The following CTNNA3 variants were observed in gnomAD, a reference collection of about 807,000 sequenced individuals.
The protein encoded by CTNNA3 is catenin alpha-3.
Under a neutral mutation model 95.7 loss-of-function variants are expected in CTNNA3, and 76 were observed. The ratio of observed to expected loss-of-function variants is 0.79; its 90% CI spans 0.66 to 0.96. CTNNA3 has a LOEUF of 0.96. CTNNA3 is among the 40% of genes least tolerant of loss of function. CTNNA3 has a pLI of 0.00. For synonymous variants in CTNNA3, 431 were observed against 374.4 expected (o/e 1.15, Z -1.74); for missense variants, 1,191 against 1,089.8 (o/e 1.09, Z -1.31).
upstream of CTNNA3, among the ~76,000 whole-genome samples, chr10:67,699,451 G>A (rs1026633552): frequency 6.6e-6 from 1 of 152,120 alleles, no homozygotes; most frequent in Non-Finnish European, 1.5e-5. Flanking sequence ...CCTAACCTAT[G>A]GCTTCAAATG....
chr10:67,231,262 C>T (rs1480801289), intron 5 of CTNNA3, among the ~76,000 whole-genome samples: 1 of 152,258 alleles, frequency 6.6e-6, no homozygotes, highest in Non-Finnish European at 1.5e-5. Context: ...CCTCTGCAGA[C>T]TTAAATGTCC....
At chr10:66,736,625 T>C (rs1849153039) in intron 9 of CTNNA3, among the ~76,000 whole-genome samples, 1 of 152,056 alleles carries the variant, frequency 6.6e-6, no homozygotes, top group South Asian at 2.1e-4. Flanking sequence ...GGGCCAAAAA[T>C]TTAATAATTT....
At chr10:66,168,765 T>C (rs2085269677) in intron 13 of CTNNA3, among the ~76,000 whole-genome samples, 2 of 152,194 alleles carry the variant, frequency 1.3e-5, no homozygotes, top group Non-Finnish European at 2.9e-5. Context: ...TGGAAAATCA[T>C]AGAACTAATG....
chr10:66,452,011 C>T (rs1589271683), intron 11 of CTNNA3, among the ~76,000 whole-genome samples: 1 of 152,178 alleles, frequency 6.6e-6, no homozygotes, highest in Non-Finnish European at 1.5e-5. Flanking sequence ...CCTCATCTTC[C>T]TATTTCTGAA....
intron 5 of CTNNA3, among the ~76,000 whole-genome samples, chr10:67,462,307 C>T (rs146276329): frequency 6.6e-6 from 1 of 152,300 alleles, no homozygotes; most frequent in East Asian, 1.9e-4. Context: ...CACCTTGTTA[C>T]TACTCAACAT....
intron 7 of CTNNA3, among the ~76,000 whole-genome samples, chr10:67,153,845 G>C (rs1861186136): frequency 6.6e-6 from 1 of 151,488 alleles, no homozygotes; most frequent in Admixed American, 6.6e-5. Flanking sequence ...TTTTTCATAG[G>C]TACACTATTT....
At chr10:67,740,998 T>A in intron 1 of CTNNA3, among the ~76,000 whole-genome samples, 1 of 151,320 alleles carries the variant, frequency 6.6e-6, no homozygotes, top group African/African-American at 2.4e-5. Context: ...GATGAGTTCA[T>A]GTCCTTTGTA....
intron 5 of CTNNA3, among the ~76,000 whole-genome samples, chr10:67,276,251 GGA>G (rs1245168846): frequency 7.9e-5 from 12 of 152,038 alleles, no homozygotes; most frequent in African/African-American, 2.7e-4. Flanking sequence ...TTGTCTGATT[GGA>G]GAGTATAAAA....
intron 5 of CTNNA3, among the ~76,000 whole-genome samples, chr10:67,461,018 T>A (rs1223725500): frequency 6.6e-6 from 1 of 152,176 alleles, no homozygotes. Context: ...TGATTAAACA[T>A]GCTGAATTTA....
chr10:67,639,377 C>CA (rs1839441688), intron 2 of CTNNA3, among the ~76,000 whole-genome samples: 1 of 151,964 alleles, frequency 6.6e-6, no homozygotes, highest in Non-Finnish European at 1.5e-5. Context: ...GCTTACCAAC[C>CA]AAAAAAAGTC....
At position 67,642,630 on chromosome 10, in the gene CTNNA3, T is replaced by C. The variant is rs924505727; in HGVS notation, c.99+4785A>G. Among the ~76,000 whole-genome samples, 3 of 151,964 alleles carry C rather than the reference T, an allele frequency of 2.0e-5. No homozygotes were observed. In the East Asian group the frequency reaches 5.8e-4, roughly 29 times the overall value. ...CTACCAGGAAGCTGATGCAGGAGAA[T>C]CACTGAAACCCAGCAGGTAGAGGTT... On this transcript the variant is annotated intron_variant, in intron 2 of 17. Transcript: ENST00000433211.
At chr10:66,520,963 C>T (rs1269963789) in intron 10 of CTNNA3, among the ~76,000 whole-genome samples, 190 bp from the exon 11 acceptor site, 1 of 150,586 alleles carries the variant, frequency 6.6e-6, no homozygotes, top group Non-Finnish European at 1.5e-5. Context: ...TTAAATTATA[C>T]TCATTCATGT....
chr10:66,199,279 G>T (rs1023661826), intron 13 of CTNNA3, among the ~76,000 whole-genome samples: 1 of 152,026 alleles, frequency 6.6e-6, no homozygotes, highest in South Asian at 2.1e-4. Context: ...TGTATTAAAA[G>T]CATTATAATA....
chr10:67,329,654 G>A (rs949769089), intron 5 of CTNNA3, among the ~76,000 whole-genome samples: 1 of 152,150 alleles, frequency 6.6e-6, no homozygotes, highest in Non-Finnish European at 1.5e-5. Context: ...ATTAAAATGG[G>A]AAGAGATAAA....
chr10:66,325,676 A>T (rs1589089131), intron 12 of CTNNA3, among the ~76,000 whole-genome samples: 2 of 152,128 alleles, frequency 1.3e-5, no homozygotes, highest in Non-Finnish European at 2.9e-5. Flanking sequence ...CCAAGTCATA[A>T]GGCATGCCTT....
At chr10:67,310,411 T>C (rs554911644) in intron 5 of CTNNA3, among the ~76,000 whole-genome samples, 1 of 152,152 alleles carries the variant, frequency 6.6e-6, no homozygotes, top group South Asian at 2.1e-4. Flanking sequence ...AAAAACTTCT[T>C]TTTAAAAGCA....
intron 6 of CTNNA3, among the ~76,000 whole-genome samples, chr10:67,202,339 G>A (rs1298109936): frequency 6.6e-6 from 1 of 151,984 alleles, no homozygotes; most frequent in African/African-American, 2.4e-5. Flanking sequence ...AGCCATAAGC[G>A]CTCACTCTAG....
chr10:66,768,075 G>A (rs1157590237), intron 8 of CTNNA3, among the ~76,000 whole-genome samples: 5 of 152,156 alleles, frequency 3.3e-5, no homozygotes, highest in African/African-American at 7.2e-5. Flanking sequence ...GTAAGGTCAC[G>A]AATTTATTTG....
intron 2 of CTNNA3, among the ~76,000 whole-genome samples, chr10:67,614,314 C>G (rs1843577544): frequency 6.6e-6 from 1 of 152,178 alleles, no homozygotes; most frequent in Non-Finnish European, 1.5e-5. Context: ...CTCTCAGTTT[C>G]AGGATGATTC....
Sources: allele counts gnomAD v4.1 joint callset (sites outside exome capture counted in the v4.1 genomes callset), GRCh38; gene constraint gnomAD v4.1.1; transcripts MANE v1.5; gene names NCBI Gene and HGNC (gene_info 2026-07-23, HGNC 2026-07-21).